ESRRB: variants seen among roughly 807,000 people sequenced by gnomAD.
The protein encoded by ESRRB is estrogen related receptor beta, also known as steroid hormone receptor ERR2.
A neutral mutation model predicts 46.0 loss-of-function variants in ESRRB; 16 were observed. That is an observed-to-expected ratio of 0.35 (90% CI 0.24 to 0.53). The LOEUF is 0.53. ESRRB is among the 20% of genes least tolerant of loss of function. ESRRB has a pLI of 0.93. For missense variants in ESRRB, 488 were observed against 607.4 expected (o/e 0.80, Z 2.07); for synonymous variants, 246 against 259.6 (o/e 0.95, Z 0.50).
chr14:76,473,397 G>C (rs1008495992), intron 3 of ESRRB, among the ~76,000 whole-genome samples: 3 of 152,230 alleles, frequency 2.0e-5, no homozygotes, highest in African/African-American at 7.2e-5. Flanking sequence ...TGCCAGTGGG[G>C]ATCTTGACCT....
intron 1 of ESRRB, among the ~76,000 whole-genome samples, chr14:76,345,025 T>C (rs897635832): frequency 6.6e-6 from 1 of 152,206 alleles, no homozygotes; most frequent in African/African-American, 2.4e-5. Flanking sequence ...TGTGCTACTA[T>C]AAACATGAAT....
intron 1 of ESRRB, among the ~76,000 whole-genome samples, chr14:76,313,115 G>A (rs182183828): frequency 5.8e-5 from 8 of 138,010 alleles, no homozygotes. Context: ...ATCCTTTCAG[G>A]TGAGATAGGG....
chr14:76,318,296 G>A (rs972005680), intron 1 of ESRRB, among the ~76,000 whole-genome samples: 22 of 152,144 alleles, frequency 1.4e-4, no homozygotes, highest in African/African-American at 4.1e-4. Flanking sequence ...GTTGCCAAAC[G>A]GGGTGACCTC....
At chr14:76,456,110 G>C (rs55950575) in intron 2 of ESRRB, among the ~76,000 whole-genome samples, 1,540 of 151,232 alleles carry the variant, frequency 0.01, 17 homozygotes, top group Non-Finnish European at 0.015. Context: ...TGTCCATCAG[G>C]ATTTGGACAC....
At position 76,482,009 on chromosome 14, in the gene ESRRB, C is replaced by A; in HGVS notation, c.578-7C>A. On this transcript the variant is annotated splice_region_variant and splice_polypyrimidine_tract_variant and intron_variant, in intron 3 of 6. Coordinates refer to ENST00000644823, the MANE Select transcript of ESRRB (RefSeq NM_001379180.1). The surrounding 1 kb of genome is among the most constrained non-coding windows in gnomAD (Gnocchi z 4.3). ...TGCTGAGATCTTTTCCCTTTCCTCC[C>A]CAATAGGTGTGCGCCTTGATCGAGT... 22 of 1,613,192 alleles carry A rather than the reference C, an allele frequency of 1.4e-5. No homozygotes were observed. The highest frequency in any genetic ancestry group is 1.9e-5 in the Non-Finnish European group (22 of 1,179,136).
chr14:76,376,619 C>G lies in ESRRB; in HGVS notation c.50+168C>G, dbSNP rs1232120861. On this transcript the variant is annotated intron_variant, in intron 1 of 6. Coordinates refer to ENST00000644823, the MANE Select transcript of ESRRB (RefSeq NM_001379180.1). The surrounding 1 kb of genome is among the most constrained non-coding windows in gnomAD (Gnocchi z 4.1). Reference sequence around the variant, plus strand: ...AAGCCGCACACTTCTGGGTTTCTTTCTAGGGCATAAACCCTCCTCTAACTT... The same window carrying G: ...AAGCCGCACACTTCTGGGTTTCTTTGTAGGGCATAAACCCTCCTCTAACTT... Among the ~76,000 whole-genome samples, 1 of 152,196 alleles carries G rather than the reference C, an allele frequency of 6.6e-6. No homozygotes were observed. Among genetic ancestry groups the G allele is most frequent in the Non-Finnish European group, 1.5e-5 (1 of 68,026 alleles).
intron 1 of ESRRB, among the ~76,000 whole-genome samples, chr14:76,320,017 TA>T (rs1433629991): frequency 6.6e-6 from 1 of 152,164 alleles, no homozygotes; most frequent in Non-Finnish European, 1.5e-5. Flanking sequence ...AAAATGGATA[TA>T]TGCTCATTGG....
chr14:76,398,285 C>T (rs1272719866), intron 1 of ESRRB, among the ~76,000 whole-genome samples: 1 of 152,250 alleles, frequency 6.6e-6, no homozygotes, highest in East Asian at 1.9e-4. Context: ...GAGTAGCACC[C>T]CCAAAGTCAC....
chr14:76,329,911 G>A (rs754773787), intron 1 of ESRRB, among the ~76,000 whole-genome samples: 105 of 151,810 alleles, frequency 6.9e-4, no homozygotes, highest in Non-Finnish European at 1.3e-3. Context: ...GGCAGTAAGC[G>A]GGCTGGCTAA....
chr14:76,339,675 C>T (rs911879527), intron 1 of ESRRB, among the ~76,000 whole-genome samples: 7 of 152,282 alleles, frequency 4.6e-5, no homozygotes, highest in South Asian at 2.1e-4. Context: ...AGGCCAGACT[C>T]GCCTTGGTCT....
At chr14:76,370,090 A>G (rs1269353837), upstream of ESRRB, among the ~76,000 whole-genome samples, 2 of 152,154 alleles carry the variant, frequency 1.3e-5, no homozygotes, top group Admixed American at 6.5e-5. Flanking sequence ...TCAACTATGT[A>G]TGCTCAAATT....
Position 76,491,309 on chromosome 14 carries a change from T to TG in ESRRB, c.851-133dup. ...AGTCTTACGCTACACAGGGAAAGCC[T>TG]GGGGGCAGGATCCAGGGGTGCCAGG... On this transcript the variant is annotated intron_variant, in intron 5 of 6. Transcript: ENST00000644823. 6 of 783,972 alleles carry TG rather than the reference T, an allele frequency of 7.7e-6. No homozygotes were observed. In the South Asian group the frequency reaches 1.0e-4, roughly 13 times the overall value. The allele number at this position is 783,972 out of a possible 1,614,324, so 48.6% of individuals were successfully genotyped here.
At chr14:76,439,286 G>C in intron 1 of ESRRB, 55 bp from the exon 2 acceptor site, 2,402 of 1,207,478 alleles carry the variant, frequency 2.0e-3, no homozygotes, top group Non-Finnish European at 2.7e-3. Context: ...GGCTGGACCC[G>C]CCCACCACAC....
chr14:76,460,996 C>G (rs1412797880), intron 2 of ESRRB, among the ~76,000 whole-genome samples: 1 of 152,098 alleles, frequency 6.6e-6, no homozygotes, highest in Non-Finnish European at 1.5e-5. Flanking sequence ...TGAGCCACTG[C>G]GCCCGGCCAC....
At chr14:76,311,020 C>CTCTCTCT (rs1883726342) in intron 1 of ESRRB, 1 of 397,812 alleles carries the variant, frequency 2.5e-6, no homozygotes, top group Non-Finnish European at 5.0e-6. Flanking sequence ...CTCTCTCTCT[C>CTCTCTCT]AATGGATAAA....
intron 2 of ESRRB, among the ~76,000 whole-genome samples, chr14:76,461,074 C>G (rs1316003212): frequency 2.0e-5 from 3 of 152,010 alleles, no homozygotes; most frequent in Admixed American, 6.6e-5. Context: ...TTACCAGGCA[C>G]ATTGTAGGTG....
chr14:76,322,751 G>C (rs1303330309), intron 1 of ESRRB, among the ~76,000 whole-genome samples: 2 of 152,198 alleles, frequency 1.3e-5, no homozygotes, highest in East Asian at 3.9e-4. Context: ...GGGCAGTGGG[G>C]TCTTCTGCCG....
chr14:76,342,749 T>A (rs189450047), intron 1 of ESRRB, among the ~76,000 whole-genome samples: 4 of 152,366 alleles, frequency 2.6e-5, no homozygotes, highest in Non-Finnish European at 5.9e-5. Flanking sequence ...CCTGGCATGA[T>A]TCCTTATAGG....
chr14:76,424,425 G>A (rs563202207), intron 1 of ESRRB, among the ~76,000 whole-genome samples: 1 of 152,314 alleles, frequency 6.6e-6, no homozygotes, highest in African/African-American at 2.4e-5. Flanking sequence ...CCCTGATCCT[G>A]TCCTGGTGTG....
Sources: gnomAD v4.1 joint callset for allele counts (sites outside exome capture counted in the v4.1 genomes callset) on GRCh38, gnomAD v4.1.1 for gene constraint, Gnocchi (gnomAD v3.1) non-coding constraint, MANE v1.5 for transcripts, NCBI Gene and HGNC (gene_info 2026-07-23, HGNC 2026-07-21) for gene names.